The following ASTN1 variants were observed in gnomAD, a reference collection of about 807,000 sequenced individuals.
ASTN1 encodes the protein astrotactin 1, also known as astrotactin-1.
In ASTN1, 41 loss-of-function variants were observed where a neutral mutation model predicts 140.7. The ratio of observed to expected loss-of-function variants is 0.29; its 90% CI spans 0.23 to 0.38. The LOEUF is 0.38. Among genes scored for constraint, ASTN1 ranks in the 10% least tolerant of loss-of-function variants. ASTN1 has a pLI of 1.00. For missense variants in ASTN1, 1,479 were observed against 1,678.8 expected (o/e 0.88, Z 2.08); for synonymous variants, 640 against 652.2 (o/e 0.98, Z 0.29).
At chr1:176,908,010 T>A (rs1670070733) in intron 16 of ASTN1, among the ~76,000 whole-genome samples, 1 of 152,090 alleles carries the variant, frequency 6.6e-6, no homozygotes. Context: ...AGGTGGAAGC[T>A]GTTATGATCA....
intron 8 of ASTN1, among the ~76,000 whole-genome samples, chr1:176,968,757 G>T (rs1418697333): frequency 6.6e-6 from 1 of 152,210 alleles, no homozygotes; most frequent in Admixed American, 6.5e-5. Context: ...CAGGAATTGG[G>T]ATAAAGAGAT....
intron 16 of ASTN1, among the ~76,000 whole-genome samples, chr1:176,897,626 TAA>T (rs1447247233): frequency 6.6e-6 from 1 of 152,064 alleles, no homozygotes; most frequent in East Asian, 1.9e-4. Flanking sequence ...TATGAAAAAG[TAA>T]CACACGGCTA....
intron 1 of ASTN1, among the ~76,000 whole-genome samples, chr1:177,083,194 C>T (rs1679263784): frequency 6.6e-6 from 1 of 151,976 alleles, no homozygotes; most frequent in African/African-American, 2.4e-5. Context: ...GACCTGGTGA[C>T]AGCAACTGGC....
In ASTN1 at chr1:176,868,920, C is replaced by T. The variant is rs766746696; in HGVS notation, c.3571G>A (p.Val1191Ile). The T allele has an allele frequency of 1.9e-6, 3 of 1,612,100 alleles. No individual in the cohort carries two copies. The highest frequency in any genetic ancestry group is 1.7e-6 in the Non-Finnish European group (2 of 1,178,744). Residue 1191 changes from valine to isoleucine, a missense_variant, in exon 22 of 23, where the codon GTC becomes ATC. Val to Ile is a conservative substitution (Grantham distance 29, BLOSUM62 3). Coordinates refer to ENST00000361833, the MANE Select transcript of ASTN1 (RefSeq NM_004319.3). ...LDLGSPTLHR[V>I]LYHYNQHYES... ...TAGTGCTGGTTATAGTGGTAGAGGA[C>T]CCGGTGTAAGGTGGGGGAACCCAGA...
chr1:176,907,793 T>C (rs1245825282), intron 16 of ASTN1, among the ~76,000 whole-genome samples: 2 of 152,144 alleles, frequency 1.3e-5, no homozygotes, highest in Non-Finnish European at 2.9e-5. Flanking sequence ...CTCCAGACAA[T>C]GGCTGGAAAG....
At chr1:177,108,610 C>T (rs1680665979) in intron 1 of ASTN1, among the ~76,000 whole-genome samples, 2 of 152,050 alleles carry the variant, frequency 1.3e-5, no homozygotes, top group African/African-American at 2.4e-5. Context: ...TTTTCTTTAT[C>T]CATTCATCTG....
chr1:177,029,061 C>T (rs570099159), intron 5 of ASTN1, among the ~76,000 whole-genome samples: 35 of 152,106 alleles, frequency 2.3e-4, no homozygotes, highest in Non-Finnish European at 3.5e-4. Context: ...GCTCTGTCCA[C>T]GTGGAGGAGA....
At chr1:177,049,804 C>G (rs549018653) in intron 2 of ASTN1, among the ~76,000 whole-genome samples, 3 of 152,110 alleles carry the variant, frequency 2.0e-5, no homozygotes, top group Non-Finnish European at 2.9e-5. Flanking sequence ...TTGCCTTATC[C>G]GAACCCAAGG....
chr1:176,999,918 G>A (rs551935533), intron 8 of ASTN1, among the ~76,000 whole-genome samples: 3 of 152,270 alleles, frequency 2.0e-5, no homozygotes, highest in East Asian at 1.9e-4. Flanking sequence ...GTGGAACTGT[G>A]AGTCAATTAA....
At chr1:176,917,874 G>A (rs1459717687) in intron 16 of ASTN1, among the ~76,000 whole-genome samples, 1 of 152,140 alleles carries the variant, frequency 6.6e-6, no homozygotes, top group Non-Finnish European at 1.5e-5. Flanking sequence ...GTCACAAATT[G>A]TAACCTACCT....
chr1:176,861,359 G>A lies in ASTN1; in HGVS notation c.*2925C>T. 2.0e-6 allele frequency: 2 copies of A among 985,818 alleles called. No homozygotes were observed. The highest frequency in any genetic ancestry group is 2.4e-6 in the Non-Finnish European group (2 of 829,922). 61.1% of individuals were successfully genotyped at this position (985,818 alleles called of 1,614,324 possible). A position where few individuals can be genotyped will look rare whatever the true frequency, so the allele number is the denominator to read the frequency against. ...ACAGTGGTTCATGTACATTCAAGAGGAAACTCCAGAGGTCTTGGGGACATG... is the reference window on the plus strand; with the variant it reads ...ACAGTGGTTCATGTACATTCAAGAGAAAACTCCAGAGGTCTTGGGGACATG... On this transcript the variant is annotated 3_prime_UTR_variant, in exon 23 of 23. Coordinates refer to ENST00000361833, the MANE Select transcript of ASTN1 (RefSeq NM_004319.3).
At chr1:176,900,982 C>T (rs1256868771) in intron 16 of ASTN1, among the ~76,000 whole-genome samples, 1 of 152,168 alleles carries the variant, frequency 6.6e-6, no homozygotes, top group African/African-American at 2.4e-5. Flanking sequence ...TAAATGACTA[C>T]AAGTGTTTGT....
chr1:177,141,092 C>T (rs576096604), intron 1 of ASTN1, among the ~76,000 whole-genome samples: 29 of 151,908 alleles, frequency 1.9e-4, no homozygotes, highest in Non-Finnish European at 3.4e-4. Flanking sequence ...GGCAGGCACC[C>T]GTAATCCCAG....
chr1:176,896,560 G>A (rs940000074), intron 16 of ASTN1, among the ~76,000 whole-genome samples: 8 of 152,292 alleles, frequency 5.3e-5, no homozygotes, highest in African/African-American at 9.6e-5. Flanking sequence ...CGGATTGGGC[G>A]GAGCGAGTGC....
At chr1:177,007,830 C>A (rs1365139805) in intron 8 of ASTN1, among the ~76,000 whole-genome samples, 1 of 152,134 alleles carries the variant, frequency 6.6e-6, no homozygotes, top group African/African-American at 2.4e-5. Flanking sequence ...GGCCTTTGTG[C>A]AAATTAGAAA....
At chr1:177,003,531 C>T (rs937244022) in intron 8 of ASTN1, among the ~76,000 whole-genome samples, 41 of 152,080 alleles carry the variant, frequency 2.7e-4, no homozygotes, top group African/African-American at 9.2e-4. Flanking sequence ...CACAGCCAGG[C>T]CAGGTGCAGT....
At chr1:177,085,813 C>T (rs1327693644) in intron 1 of ASTN1, among the ~76,000 whole-genome samples, 1 of 152,106 alleles carries the variant, frequency 6.6e-6, no homozygotes, top group African/African-American at 2.4e-5. Context: ...GCATTGTCTT[C>T]GCCAGGTTCG....
At chr1:176,857,506 A>C (rs901914491), downstream of ASTN1, 1 of 432,018 alleles carries the variant, frequency 2.3e-6, no homozygotes, top group East Asian at 3.5e-5. Flanking sequence ...AGGGGATGGA[A>C]GGTCACACGG....
chr1:176,879,118 G>C (rs12129095), intron 20 of ASTN1, among the ~76,000 whole-genome samples: 24,873 of 152,182 alleles, frequency 0.16, 2,542 homozygotes, highest in Middle Eastern at 0.25. Context: ...ACAGGGCTGG[G>C]GCATGGGCCT....
Sources: gnomAD v4.1 joint callset for allele counts (sites outside exome capture counted in the v4.1 genomes callset) on GRCh38, gnomAD v4.1.1 for gene constraint, MANE v1.5 for transcripts, NCBI Gene and HGNC (gene_info 2026-07-23, HGNC 2026-07-21) for gene names.